Variants in SLC28A3 observed in about 807,000 individuals in gnomAD.
SLC28A3 encodes concentrative Na(+)-nucleoside cotransporter 3.
Under a neutral mutation model 84.2 loss-of-function variants are expected in SLC28A3, and 68 were observed. That is an observed-to-expected ratio of 0.81 (90% CI 0.66 to 0.99). The LOEUF is 0.99. Among genes scored for constraint, SLC28A3 ranks in the 50% least tolerant of loss-of-function variants. The pLI is 0.00. For synonymous variants in SLC28A3, 267 were observed against 303.6 expected (o/e 0.88, Z 1.25); for missense variants, 712 against 841.5 (o/e 0.85, Z 1.90).
the SLC28A3 span, among the ~76,000 whole-genome samples, chr9:84,352,958 ATTAAGAT>A: frequency 3.3e-4 from 50 of 150,706 alleles, no homozygotes; most frequent in African/African-American, 1.1e-3. Context: ...TAGTATGAAG[ATTAAGAT>A]TTAACTATTG....
intron 1 of SLC28A3, among the ~76,000 whole-genome samples, chr9:84,338,327 T>C (rs1348685006): frequency 2.0e-5 from 3 of 152,228 alleles, no homozygotes; most frequent in African/African-American, 4.8e-5. Flanking sequence ...TTAATTTTCC[T>C]TAAAGAAGAT....
chr9:84,297,337 C>T, intron 7 of SLC28A3, 39 bp from the exon 8 acceptor site: 1 of 1,526,716 alleles, frequency 6.6e-7, no homozygotes, highest in Non-Finnish European at 9.0e-7. Flanking sequence ...ATTCCAACCA[C>T]ATGACTGGAA....
intron 1 of SLC28A3, among the ~76,000 whole-genome samples, chr9:84,331,755 TAATA>T: frequency 1.3e-5 from 2 of 152,332 alleles, no homozygotes; most frequent in Middle Eastern, 6.8e-3. Flanking sequence ...AGATGCCTTT[TAATA>T]AATGTGTTAA....
intron 6 of SLC28A3, 33 bp downstream of exon 6, chr9:84,299,548 A>T: frequency 6.2e-7 from 1 of 1,612,102 alleles, no homozygotes; most frequent in South Asian, 1.1e-5. Context: ...GAGAAAAAGA[A>T]AAAAGAACCT....
chr9:84,318,057 A>G (rs60317784), intron 1 of SLC28A3, among the ~76,000 whole-genome samples: 1,648 of 152,256 alleles, frequency 0.011, 30 homozygotes, highest in African/African-American at 0.037. Flanking sequence ...TTGCATTTTC[A>G]AAGACTGTAT....
At position 84,305,303 on chromosome 9, in the gene SLC28A3, C is replaced by T. The variant is rs1288890169; in HGVS notation, c.285G>A (p.Arg95=). ...RRYDTVCGFC[R]KHKTTLRHII... ...TGTGCCGAAGAGTTGTTTTGTGTTT[C>T]CTACAGAAACCACATACTGTGTCAT... The change falls in exon 4 of 18, where the codon AGG becomes AGA. Residue 95 remains arginine, a synonymous_variant. Coordinates refer to ENST00000376238, the MANE Select transcript of SLC28A3 (RefSeq NM_001199633.2). 4 of 1,613,242 alleles carry T rather than the reference C, an allele frequency of 2.5e-6. No homozygotes were observed. The highest frequency in any genetic ancestry group is 1.7e-5 in the Admixed American group (1 of 59,892).
chr9:84,354,973 C>G, the SLC28A3 span, among the ~76,000 whole-genome samples: 1 of 151,754 alleles, frequency 6.6e-6, no homozygotes, highest in South Asian at 2.1e-4. Context: ...CTAAATAGCC[C>G]CAGTTGTTAA....
At chr9:84,311,777 A>G (rs925086010) in intron 2 of SLC28A3, among the ~76,000 whole-genome samples, 3 of 152,112 alleles carry the variant, frequency 2.0e-5, no homozygotes, top group Non-Finnish European at 2.9e-5. Flanking sequence ...AATCACCTGA[A>G]CCCGGGAGGT....
intron 1 of SLC28A3, among the ~76,000 whole-genome samples, chr9:84,339,020 A>T (rs924989401): frequency 1.3e-5 from 2 of 152,144 alleles, no homozygotes; most frequent in African/African-American, 4.8e-5. Context: ...AAAGACAGAG[A>T]TGCCGCTGAG....
the SLC28A3 span, among the ~76,000 whole-genome samples, chr9:84,354,424 A>G: frequency 3.9e-5 from 6 of 152,262 alleles, 1 homozygote; most frequent in Admixed American, 1.3e-4. Context: ...GCTAGAAACA[A>G]TGAAGTTTTT....
At chr9:84,362,369 C>T in the SLC28A3 span, among the ~76,000 whole-genome samples, 1 of 152,196 alleles carries the variant, frequency 6.6e-6, no homozygotes, top group African/African-American at 2.4e-5. Flanking sequence ...TTGTGGCTCA[C>T]ACCTGTAATC....
intron 9 of SLC28A3, among the ~76,000 whole-genome samples, chr9:84,293,484 T>A (rs910128789): frequency 6.6e-6 from 1 of 152,190 alleles, no homozygotes; most frequent in Non-Finnish European, 1.5e-5. Flanking sequence ...TCTCTTCCTT[T>A]TTGTACATTT....
intron 10 of SLC28A3, among the ~76,000 whole-genome samples, chr9:84,291,563 C>T (rs1048998137): frequency 4.6e-5 from 7 of 152,094 alleles, no homozygotes; most frequent in Non-Finnish European, 7.4e-5. Flanking sequence ...CTCAAACTCC[C>T]GACCTCAGGT....
At chr9:84,279,110 G>A (rs892317764) in intron 17 of SLC28A3, among the ~76,000 whole-genome samples, 155 bp downstream of exon 17, 3 of 148,862 alleles carry the variant, frequency 2.0e-5, no homozygotes, top group African/African-American at 7.5e-5. Flanking sequence ...AAATTAAGTC[G>A]ATGAGTGAGC....
At chr9:84,344,381 A>G (rs7846859), upstream of SLC28A3, among the ~76,000 whole-genome samples, 8,188 of 151,548 alleles carry the variant, frequency 0.054, 446 homozygotes, top group East Asian at 0.17. Context: ...TAGAAACAGA[A>G]TTTCACCATG....
At chr9:84,283,864 G>A (rs1353139735) in intron 14 of SLC28A3, among the ~76,000 whole-genome samples, 1 of 152,164 alleles carries the variant, frequency 6.6e-6, no homozygotes, top group African/African-American at 2.4e-5. Flanking sequence ...CTTCTAGGTT[G>A]TGAGCAAAAA....
chr9:84,310,324 TTTTTCATGGACAATCTTTCTAGGTACAG>T (rs1825948262), intron 2 of SLC28A3: 1 of 889,964 alleles, frequency 1.1e-6, no homozygotes, highest in Admixed American at 6.2e-5. Context: ...CCCATCCCAT[TTTTTCATGGACAATCTTTCTAGGTACAG>T]TTTGAGCTCT....
intron 11 of SLC28A3, 133 bp downstream of exon 11, chr9:84,290,021 G>A (rs992564294): frequency 6.6e-6 from 8 of 1,219,454 alleles, no homozygotes; most frequent in Non-Finnish European, 8.9e-6. Flanking sequence ...AAGCAACTGT[G>A]ACCAACTTTT....
chr9:84,358,232 C>G, the SLC28A3 span, among the ~76,000 whole-genome samples: 3 of 152,168 alleles, frequency 2.0e-5, no homozygotes, highest in African/African-American at 7.2e-5. Context: ...GGCTTCCATA[C>G]AGGGGAGAGA....
Sources: gnomAD v4.1 joint callset for allele counts (sites outside exome capture counted in the v4.1 genomes callset) on GRCh38, gnomAD v4.1.1 for gene constraint, MANE v1.5 for transcripts, NCBI Gene and HGNC (gene_info 2026-07-23, HGNC 2026-07-21) for gene names.